The following ZFHX2 variants were observed in gnomAD, a reference collection of about 807,000 sequenced individuals.
The protein encoded by ZFHX2 is zinc finger homeobox 2, also known as zinc finger homeobox protein 2.
Under a neutral mutation model 164.8 loss-of-function variants are expected in ZFHX2, and 75 were observed. The ratio of observed to expected loss-of-function variants is 0.46; its 90% CI spans 0.38 to 0.55. ZFHX2 has a LOEUF of 0.55. Among genes scored for constraint, ZFHX2 ranks in the 20% least tolerant of loss-of-function variants. The pLI is 0.00. For synonymous variants in ZFHX2, 1,217 were observed against 1,351.4 expected, an observed-to-expected ratio of 0.90 and a Z score of 2.18; for missense variants, 2,933 against 3,308.0, an observed-to-expected ratio of 0.89 and a Z score of 2.78.
At position 23,535,867 on chromosome 14, in the gene ZFHX2, T is replaced by C. The variant is rs1468858856; in HGVS notation, c.-49-493A>G. On this transcript the variant is annotated intron_variant, in intron 1 of 9. Transcript: ENST00000419474. This position sits in a 1 kb window ranked among gnomAD's most constrained non-coding sequence, Gnocchi z 4.5. ...TCGGCCTCCCAAAGTGCTAGGATTATAGGCGTGAGCCACCGCGCCCAGCCT... is the reference window on the plus strand; with the variant it reads ...TCGGCCTCCCAAAGTGCTAGGATTACAGGCGTGAGCCACCGCGCCCAGCCT... Among the ~76,000 whole-genome samples the C allele has an allele frequency of 2.0e-5, 3 of 152,152 alleles. No homozygotes were observed. The South Asian group carries it at 6.2e-4, about 31-fold the overall frequency.
chr14:23,527,642 T>A lies in ZFHX2; in HGVS notation c.3097A>T (p.Asn1033Tyr). Residue 1033 changes from asparagine to tyrosine, a missense_variant, in exon 7 of 10, where the codon AAC (asparagine) becomes TAC (tyrosine). Transcript: ENST00000419474. ...ALHFHLSHLH[N>Y]VVPECVEKLL... ...TTCTCAACGCACTCGGGCACCACGT[T>A]GTGAAGGTGGCTAAGGTGGAAGTGC... 1 of 1,536,498 alleles carries A rather than the reference T, an allele frequency of 6.5e-7. No individual in the cohort carries two copies. The highest frequency in any genetic ancestry group is 8.7e-7 in the Non-Finnish European group (1 of 1,146,952).
chr14:23,528,341 T>C (rs1026264147), intron 6 of ZFHX2, among the ~76,000 whole-genome samples: 1 of 152,190 alleles, frequency 6.6e-6, no homozygotes, highest in South Asian at 2.1e-4. Context: ...CTTAGGCCGC[T>C]ACCTTGCACT....
rs970954384 is a variant in ZFHX2, at chr14:23,534,807, A to G, written c.519T>C (p.His173=). Residue 173 remains histidine, a synonymous_variant, in exon 2 of 10, where the codon CAT becomes CAC. Coordinates refer to ENST00000419474, the MANE Select transcript of ZFHX2 (RefSeq NM_033400.3). This position sits in a 1 kb window ranked among gnomAD's most constrained non-coding sequence, Gnocchi z 4.5. ...TAAAGCCTTGGATTGGGTCAAAGCC[A>G]TGTTGGATGTGAAGGGCAGTGAGGT... The part of the protein sequence containing the change: ...PSHLTALHIQ[H]GFDPIQGFSS... 2.6e-6 allele frequency: 4 copies of G among 1,536,040 alleles called. No individual in the cohort carries two copies. The highest frequency in any genetic ancestry group is 1.4e-5 in the African/African-American group (1 of 73,042).
At chr14:23,526,820 T>G (rs1464819951) in intron 8 of ZFHX2, 27 bp downstream of exon 8, 1 of 1,523,998 alleles carries the variant, frequency 6.6e-7, no homozygotes, top group South Asian at 1.2e-5. Flanking sequence ...CCTGGTACCT[T>G]GGGAGGTTTG....
At chr14:23,550,650 TGCTCAGAGGGGCAGAC>T (rs1005550573) in intron 1 of ZFHX2, among the ~76,000 whole-genome samples, 12 of 152,096 alleles carry the variant, frequency 7.9e-5, no homozygotes, top group African/African-American at 2.7e-4. Flanking sequence ...ATGATAGGGC[TGCTCAGAGGGGCAGAC>T]GAGCGGATGG....
chr14:23,555,528 C>T (rs1350274108), upstream of ZFHX2, among the ~76,000 whole-genome samples: 1 of 152,172 alleles, frequency 6.6e-6, no homozygotes, highest in Non-Finnish European at 1.5e-5. Context: ...ACCATCATAT[C>T]TTTAGTTCCT....
chr14:23,525,705 G>GCCGCTC lies in ZFHX2; in HGVS notation c.4231_4236dup (p.Glu1411_Arg1412dup). On this transcript the variant is annotated inframe_insertion, in exon 9 of 10. Coordinates refer to ENST00000419474, the MANE Select transcript of ZFHX2 (RefSeq NM_033400.3). This position sits in a 1 kb window ranked among gnomAD's most constrained non-coding sequence, Gnocchi z 5.9. ...TCATTACCCTCTTTGGCCATGGGGG[G>GCCGCTC]CCGCTCCCACTCCCGCTCAGCCAGC... 6.6e-7 allele frequency: 1 copy of GCCGCTC among 1,523,914 alleles called. No homozygotes were observed. Among genetic ancestry groups the GCCGCTC allele is most frequent in the Non-Finnish European group, 8.8e-7 (1 of 1,140,084 alleles). The allele number at this position is 1,523,914 out of a possible 1,614,324, so 94.4% of individuals were successfully genotyped here. A position where few individuals can be genotyped will look rare whatever the true frequency, so the allele number is the denominator to read the frequency against.
At chr14:23,541,260 C>T (rs1566591630) in intron 1 of ZFHX2, among the ~76,000 whole-genome samples, 1 of 151,248 alleles carries the variant, frequency 6.6e-6, no homozygotes, top group Non-Finnish European at 1.5e-5. Context: ...CCCTTTTCAA[C>T]TGAGGGCAGA....
In ZFHX2 at chr14:23,533,358, C is replaced by T; in HGVS notation, c.1968G>A (p.Lys656=). 4 of 1,442,662 alleles carry T rather than the reference C, an allele frequency of 2.8e-6. No individual in the cohort carries two copies. The highest frequency in any genetic ancestry group is 3.6e-6 in the Non-Finnish European group (4 of 1,102,680). The allele number at this position is 1,442,662 out of a possible 1,614,324, so 89.4% of individuals were successfully genotyped here. A position where few individuals can be genotyped will look rare whatever the true frequency, so the allele number is the denominator to read the frequency against. The change falls in exon 2 of 10, where the codon AAG becomes AAA. Residue 656 remains lysine, a synonymous_variant. Coordinates refer to ENST00000419474, the MANE Select transcript of ZFHX2 (RefSeq NM_033400.3). This position sits in a 1 kb window ranked among gnomAD's most constrained non-coding sequence, Gnocchi z 4.8. ...TGAGAAGTAGCTGGGCTTCCAGGGGCTTGTCTGGCCTCAGCCCCGGGCCAG... is the reference window on the plus strand; with the variant it reads ...TGAGAAGTAGCTGGGCTTCCAGGGGTTTGTCTGGCCTCAGCCCCGGGCCAG... ...PLAGPGLRPD[K]PLEAQLLLNG...
At chr14:23,541,269 G>T (rs966437719) in intron 1 of ZFHX2, among the ~76,000 whole-genome samples, 4 of 150,554 alleles carry the variant, frequency 2.7e-5, no homozygotes, top group Admixed American at 6.6e-5. Context: ...ACTGAGGGCA[G>T]AATCTTAGAT....
At chr14:23,542,446 G>A (rs1880923064) in intron 1 of ZFHX2, among the ~76,000 whole-genome samples, 2 of 152,156 alleles carry the variant, frequency 1.3e-5, no homozygotes, top group African/African-American at 4.8e-5. Context: ...TCCAGGAGAG[G>A]AGGCATCTCC....
Position 23,524,026 on chromosome 14 carries a change from CGTGGCA to C in ZFHX2, c.5910_5915del (p.Ala1971_Thr1972del). The C allele has an allele frequency of 6.6e-7, 1 of 1,514,704 alleles. No homozygotes were observed. Among genetic ancestry groups the C allele is most frequent in the Non-Finnish European group, 8.8e-7 (1 of 1,135,274 alleles). 93.8% of individuals were successfully genotyped at this position (1,514,704 alleles called of 1,614,324 possible). ...GGAAAGGCTGGGGCCCAGAAGCAAGCGTGGCAGTGGGGTAGGGAAAAGCAGGTGCTT... is the reference window on the plus strand; with the variant it reads ...GGAAAGGCTGGGGCCCAGAAGCAAGCGTGGGGTAGGGAAAAGCAGGTGCTT... On this transcript the variant is annotated inframe_deletion, in exon 9 of 10. Transcript: ENST00000419474. This position sits in a 1 kb window ranked among gnomAD's most constrained non-coding sequence, Gnocchi z 5.6.
In ZFHX2 at chr14:23,531,679, C is replaced by A; in HGVS notation, c.2602G>T (p.Gly868Trp). Residue 868 changes from glycine (G) to tryptophan (W), a missense_variant, in exon 4 of 10, where the codon GGG becomes TGG. Gly to Trp is a radical substitution (Grantham distance 184). Transcript: ENST00000419474. ...GCACACAACAGGCAGTGGTATAGCC[C>A]CAGCTCTGCCCCTGCCTCCGCTCCC... Reference protein sequence around the residue: ...MEGAEAGAELGLYHCLLCAWE... With the variant: ...MEGAEAGAELWLYHCLLCAWE... 7.1e-7 allele frequency: 1 copy of A among 1,416,768 alleles called. No homozygotes were observed. The highest frequency in any genetic ancestry group is 9.3e-7 in the Non-Finnish European group (1 of 1,080,910). 87.8% of individuals were successfully genotyped at this position (1,416,768 alleles called of 1,614,324 possible).
At chr14:23,529,927 G>T (rs984137298) in intron 5 of ZFHX2, among the ~76,000 whole-genome samples, 159 bp from the exon 6 acceptor site, 2 of 152,152 alleles carry the variant, frequency 1.3e-5, no homozygotes, top group African/African-American at 4.8e-5. Context: ...CAGTAGGATG[G>T]TCAGGTCTGA....
At chr14:23,552,670 C>T (rs376820341), upstream of ZFHX2, among the ~76,000 whole-genome samples, 15 of 151,972 alleles carry the variant, frequency 9.9e-5, no homozygotes, top group Admixed American at 4.6e-4. Context: ...GGCATGATCC[C>T]GGCTCACTGC....
rs1446399168 is a variant in ZFHX2 at position 23,551,665 on chromosome 14, CCTCCTCCTT to C, written c.-381_-373del. The C allele has an allele frequency of 6.4e-6, 1 of 155,096 alleles. No homozygotes were observed. Among genetic ancestry groups the C allele is most frequent in the Non-Finnish European group, 1.4e-5 (1 of 69,838 alleles). The allele number at this position is 155,096 out of a possible 1,614,324, so 9.6% of individuals were successfully genotyped here. ...CGCTCGCTCCCTGCCTCCTCCTCCT[CCTCCTCCTT>C]CTCCTCCTCGCCCTCCTCCTCCTCC... On this transcript the variant is annotated 5_prime_UTR_variant, in exon 1 of 10. Coordinates refer to ENST00000419474, the MANE Select transcript of ZFHX2 (RefSeq NM_033400.3). The surrounding 1 kb of genome is among the most constrained non-coding windows in gnomAD (Gnocchi z 5.3).
rs562739346 is a variant in ZFHX2 at position 23,532,771 on chromosome 14, C to T, written c.2355G>A (p.Lys785=). 1.3e-6 allele frequency: 2 copies of T among 1,536,312 alleles called. No homozygotes were observed. The highest frequency in any genetic ancestry group is 1.7e-6 in the Non-Finnish European group (2 of 1,146,948). Residue 785 remains lysine (K), a synonymous_variant, in exon 3 of 10, where the codon AAG becomes AAA. Coordinates refer to ENST00000419474, the MANE Select transcript of ZFHX2 (RefSeq NM_033400.3). ...CCCGCAGGTGGGCTGCCAGCTGGTA[C>T]TTCTGAGCATGTTTGTCAGTCTTGA... is the stretch of plus-strand genomic sequence containing the variant. ...LHLKTDKHAQ[K]YQLAAHLREG...
At chr14:23,532,256 T>TGGA in intron 3 of ZFHX2, 2 of 256,360 alleles carry the variant, frequency 7.8e-6, no homozygotes, top group Non-Finnish European at 1.5e-5. Flanking sequence ...AGCATGCAAA[T>TGGA]GGAGTCTGGT....
In ZFHX2 at chr14:23,521,835, T is replaced by A; in HGVS notation, c.*127A>T. The A allele has an allele frequency of 6.9e-7, 1 of 1,456,620 alleles. No homozygotes were observed. The highest frequency in any genetic ancestry group is 9.0e-7 in the Non-Finnish European group (1 of 1,108,066). The allele number at this position is 1,456,620 out of a possible 1,614,324, so 90.2% of individuals were successfully genotyped here. A position where few individuals can be genotyped will look rare whatever the true frequency, so the allele number is the denominator to read the frequency against. ...TGTGGTGCCCACTGAGGGTGGGAAC[T>A]GAACAGTTCCTGTGAGGTGGGCGGG... is the stretch of plus-strand genomic sequence containing the variant. On this transcript the variant is annotated 3_prime_UTR_variant, in exon 10 of 10. Transcript: ENST00000419474.
Sources: gnomAD v4.1 joint callset for allele counts (sites outside exome capture counted in the v4.1 genomes callset) on GRCh38, gnomAD v4.1.1 for gene constraint, Gnocchi (gnomAD v3.1) non-coding constraint, MANE v1.5 for transcripts, NCBI Gene and HGNC (gene_info 2026-07-23, HGNC 2026-07-21) for gene names.